The following ERC2 variants were observed in gnomAD, a reference collection of about 807,000 sequenced individuals.
ERC2 encodes the protein ERC protein 2.
ERC2 carries 42 observed loss-of-function variants against 114.8 expected under a neutral mutation model. That is an observed-to-expected ratio of 0.37 (90% CI 0.29 to 0.47). ERC2 has a LOEUF of 0.47. ERC2 is among the 20% of genes least tolerant of loss of function. The pLI is 0.99. For synonymous variants in ERC2, 454 were observed against 425.5 expected (o/e 1.07, Z -0.82); for missense variants, 939 against 1,150.7 (o/e 0.82, Z 2.66).
In ERC2 at chr3:55,684,728, A is replaced by T. The variant is rs541914373; in HGVS notation, c.2848-869T>A. Reference sequence around the variant, plus strand: ...AGTGGCTAATATAGAGGGAAATGGAATCTTTGAAGACAGAAGTATATCCCC... The same window carrying T: ...AGTGGCTAATATAGAGGGAAATGGATTCTTTGAAGACAGAAGTATATCCCC... On this transcript the variant is annotated intron_variant, in intron 16 of 17. Transcript: ENST00000288221. Among the ~76,000 whole-genome samples the T allele has an allele frequency of 5.3e-5, 8 of 152,318 alleles. No individual in the cohort carries two copies. In the South Asian group the frequency reaches 1.7e-3, roughly 32 times the overall value.
chr3:55,562,994 G>A (rs1439225091), intron 17 of ERC2, among the ~76,000 whole-genome samples: 1 of 152,128 alleles, frequency 6.6e-6, no homozygotes, highest in African/African-American at 2.4e-5. Context: ...GGCATATATT[G>A]TAATTCATTT....
chr3:56,023,774 T>TGAAGGAAGGAAGGAATGAAGGAAG (rs1553777507), intron 7 of ERC2, among the ~76,000 whole-genome samples: 1 of 131,772 alleles, frequency 7.6e-6, no homozygotes, highest in East Asian at 2.3e-4. Flanking sequence ...AAAAAAGGAA[T>TGAAGGAAGGAAGGAATGAAGGAAG]GAAGGAAGGA....
chr3:56,214,704 A>C (rs2049329709), intron 3 of ERC2, among the ~76,000 whole-genome samples: 1 of 152,096 alleles, frequency 6.6e-6, no homozygotes, highest in African/African-American at 2.4e-5. Flanking sequence ...GATTCACCAA[A>C]GTTGAAATGA....
At chr3:56,409,108 G>A (rs1452806568) in intron 2 of ERC2, among the ~76,000 whole-genome samples, 3 of 152,170 alleles carry the variant, frequency 2.0e-5, no homozygotes, top group Non-Finnish European at 4.4e-5. Flanking sequence ...ATGCCTGCTC[G>A]CTCACTGGGC....
chr3:56,183,464 G>T (rs1372794096), intron 3 of ERC2, among the ~76,000 whole-genome samples: 1 of 152,166 alleles, frequency 6.6e-6, no homozygotes, highest in Non-Finnish European at 1.5e-5. Flanking sequence ...CTGACACACA[G>T]CATACAATCA....
intron 5 of ERC2, among the ~76,000 whole-genome samples, chr3:56,148,098 G>A (rs113388836): frequency 6.6e-6 from 1 of 152,056 alleles, no homozygotes; most frequent in Non-Finnish European, 1.5e-5. Flanking sequence ...TCAGACAAGG[G>A]ACTAAGGGCT....
Position 55,843,886 on chromosome 3 carries a change from T to C in ERC2, c.2564+44503A>G, listed in dbSNP as rs188073220. 7.5e-4 allele frequency among the ~76,000 whole-genome samples: 115 copies of C among 152,332 alleles called. 1 individual carries two copies. The highest frequency in any genetic ancestry group is 5.3e-4 in the Non-Finnish European group (36 of 68,036). On this transcript the variant is annotated intron_variant, in intron 14 of 17. Transcript: ENST00000288221. ...CATCACAATGAATGTATTGTAAAAA[T>C]ATAGGGTAACAAATGTTTTCTGCTG...
At chr3:55,735,702 G>C (rs1257080238) in intron 14 of ERC2, among the ~76,000 whole-genome samples, 1 of 152,074 alleles carries the variant, frequency 6.6e-6, no homozygotes, top group Non-Finnish European at 1.5e-5. Context: ...ATAGCACCAA[G>C]TAAGCTTCTA....
chr3:55,928,328 T>A (rs2065869347), intron 13 of ERC2, among the ~76,000 whole-genome samples: 1 of 152,238 alleles, frequency 6.6e-6, no homozygotes, highest in African/African-American at 2.4e-5. Flanking sequence ...TGATATCTCC[T>A]TGTAGTTTTG....
intron 3 of ERC2, among the ~76,000 whole-genome samples, chr3:56,249,977 C>T (rs965837701): frequency 6.6e-6 from 1 of 151,178 alleles, no homozygotes; most frequent in African/African-American, 2.4e-5. Context: ...CCTGCCTCAG[C>T]CTCCTGAGTA....
At chr3:55,738,462 A>G (rs2065777595) in intron 14 of ERC2, among the ~76,000 whole-genome samples, 2 of 152,182 alleles carry the variant, frequency 1.3e-5, no homozygotes, top group Admixed American at 6.5e-5. Flanking sequence ...CAGCAGGTAC[A>G]TGGTTCAAAA....
intron 11 of ERC2, among the ~76,000 whole-genome samples, chr3:55,990,697 C>T (rs1329221372): frequency 6.6e-6 from 1 of 152,154 alleles, no homozygotes; most frequent in Non-Finnish European, 1.5e-5. Flanking sequence ...ATTATAGATA[C>T]GAGCCACCAT....
At chr3:56,324,713 G>C (rs1262127456) in intron 2 of ERC2, among the ~76,000 whole-genome samples, 1 of 152,130 alleles carries the variant, frequency 6.6e-6, no homozygotes, top group African/African-American at 2.4e-5. Context: ...ATGAGCCACA[G>C]AAACAAGATG....
chr3:55,549,881 C>T (rs1161517561), intron 17 of ERC2, among the ~76,000 whole-genome samples: 1 of 151,818 alleles, frequency 6.6e-6, no homozygotes, highest in African/African-American at 2.4e-5. Flanking sequence ...TCACCACCAC[C>T]TCCTTTCTCT....
At chr3:55,673,400 T>C (rs955530406) in intron 17 of ERC2, among the ~76,000 whole-genome samples, 1 of 152,130 alleles carries the variant, frequency 6.6e-6, no homozygotes, top group South Asian at 2.1e-4. Flanking sequence ...CTGGCCAACA[T>C]GGTGAAACCC....
chr3:55,814,625 A>C (rs1264924945), intron 14 of ERC2, among the ~76,000 whole-genome samples: 1 of 152,270 alleles, frequency 6.6e-6, no homozygotes, highest in Admixed American at 6.5e-5. Flanking sequence ...TTTCTATAGA[A>C]GTAGTTACAT....
intron 1 of ERC2, among the ~76,000 whole-genome samples, chr3:56,446,787 G>A (rs1024136131): frequency 6.6e-6 from 1 of 151,466 alleles, no homozygotes; most frequent in Admixed American, 6.6e-5. Flanking sequence ...CACCACACCC[G>A]GCTAATTTTT....
At chr3:55,864,144 T>TATATATATATACACATATATATACAC (rs1178276400) in intron 14 of ERC2, among the ~76,000 whole-genome samples, 9 of 116,486 alleles carry the variant, frequency 7.7e-5, no homozygotes, top group Non-Finnish European at 1.1e-4. Flanking sequence ...TATATACATA[T>TATATATATATACACATATATATACAC]ATATATATAT....
At chr3:55,581,024 G>A (rs149045587) in intron 17 of ERC2, among the ~76,000 whole-genome samples, 58 of 152,310 alleles carry the variant, frequency 3.8e-4, no homozygotes, top group Non-Finnish European at 6.9e-4. Context: ...CAGGCAGCAA[G>A]AAAAGCCAGT....
Sources: allele counts gnomAD v4.1 joint callset (sites outside exome capture counted in the v4.1 genomes callset), GRCh38; gene constraint gnomAD v4.1.1; transcripts MANE v1.5; gene names NCBI Gene and HGNC (gene_info 2026-07-23, HGNC 2026-07-21).